ZFR2: variants seen among roughly 807,000 people sequenced by gnomAD.
ZFR2 encodes zinc finger RNA-binding protein 2.
A neutral mutation model predicts 105.7 loss-of-function variants in ZFR2; 104 were observed. The ratio of observed to expected loss-of-function variants is 0.98; its 90% confidence interval spans 0.84 to 1.16. The LOEUF is 1.16. Among genes scored for constraint, ZFR2 ranks in the 50% most tolerant of loss-of-function variants. The pLI is 0.00. For missense variants in ZFR2, 1,425 were observed against 1,355.5 expected, an observed-to-expected ratio of 1.05 and a Z score of -0.80; for synonymous variants, 634 against 597.7, an observed-to-expected ratio of 1.06 and a Z score of -0.89.
At position 3,816,735 on chromosome 19, in the gene ZFR2, G is replaced by C. The variant is rs374561898; in HGVS notation, c.2042C>G (p.Ser681Cys). Residue 681 changes from serine (S) to cysteine (C), a missense_variant, in exon 13 of 19, where the codon TCC becomes TGC. By Grantham distance (112) the Ser-to-Cys change is moderately radical. Transcript: ENST00000262961. ...CAGCAGGCTGTGCGTGGGCTTCTCG[G>C]AGCAGAGCAGAGCGAGGCGCACGTT... The part of the protein sequence containing the change: ...DRNVRLALLC[S>C]EKPTHSLLRR... 1 of 1,612,618 alleles carries C rather than the reference G, an allele frequency of 6.2e-7. No homozygotes were observed. Among genetic ancestry groups the C allele is most frequent in the East Asian group, 2.2e-5 (1 of 44,876 alleles).
In ZFR2 at chr19:3,805,751, C is replaced by A; in HGVS notation, c.*198G>T. On this transcript the variant is annotated 3_prime_UTR_variant, in exon 19 of 19. Transcript: ENST00000262961. ...GAACTCTCAGGCTCAAGCAACTCAGCCTCCCAAAGTGCTGGGATTAAAGGC... is the reference window on the plus strand; with the variant it reads ...GAACTCTCAGGCTCAAGCAACTCAGACTCCCAAAGTGCTGGGATTAAAGGC... 2 of 572,778 alleles carry A rather than the reference C, an allele frequency of 3.5e-6. No homozygotes were observed. The allele number at this position is 572,778 out of a possible 1,614,324, so 35.5% of individuals were successfully genotyped here. A position where few individuals can be genotyped will look rare whatever the true frequency, so the allele number is the denominator to read the frequency against.
At position 3,813,795 on chromosome 19, in the gene ZFR2, G is replaced by A. The variant is rs753315711; in HGVS notation, c.2242+25C>T. On this transcript the variant is annotated intron_variant, in intron 14 of 18. Coordinates refer to ENST00000262961, the MANE Select transcript of ZFR2 (RefSeq NM_015174.2). This position sits in a 1 kb window ranked among gnomAD's most constrained non-coding sequence, Gnocchi z 4.4. ...CTGGGGAAGCGTGAGGGGGACAGTG[G>A]TTGGAAGGAAGGGCTGGGCCGCACC... The A allele has an allele frequency of 6.2e-7, 1 of 1,612,558 alleles. No individual in the cohort carries two copies. Among genetic ancestry groups the A allele is most frequent in the Non-Finnish European group, 8.5e-7 (1 of 1,179,258 alleles).
At chr19:3,821,955 A>C in intron 9 of ZFR2, 126 bp downstream of exon 9, 1 of 1,386,798 alleles carries the variant, frequency 7.2e-7, no homozygotes, top group Non-Finnish European at 9.5e-7. Context: ...AAACCCAGAA[A>C]ATCACCCCTC....
At chr19:3,808,796 C>T in intron 17 of ZFR2, 76 bp downstream of exon 17, 1 of 1,247,058 alleles carries the variant, frequency 8.0e-7, no homozygotes, top group Admixed American at 2.5e-5. Flanking sequence ...GACCCCAGCT[C>T]TCTGTGCCAT....
At position 3,808,964 on chromosome 19, in the gene ZFR2, T is replaced by C; in HGVS notation, c.2453A>G (p.Glu818Gly). 6.4e-7 allele frequency: 1 copy of C among 1,564,734 alleles called. No homozygotes were observed. Among genetic ancestry groups the C allele is most frequent in the African/African-American group, 1.4e-5 (1 of 73,948 alleles). ...LPAWAMELLV[E>G]KAVSSAAGPL... ...CCCAGCCGCACTGCTCACAGCCTTCTCCACCAGCAGCTCCATGGCCTGGTG... is the reference window on the plus strand; with the variant it reads ...CCCAGCCGCACTGCTCACAGCCTTCCCCACCAGCAGCTCCATGGCCTGGTG... The change falls in exon 17 of 19, where the codon GAG becomes GGG. Residue 818 changes from glutamate (E) to glycine (G), a missense_variant. By Grantham distance (98) the Glu-to-Gly change is moderately conservative. Transcript: ENST00000262961.
Position 3,825,314 on chromosome 19 carries a change from T to A in ZFR2, c.1129A>T (p.Thr377Ser). 1 of 1,582,618 alleles carries A rather than the reference T, an allele frequency of 6.3e-7. No individual in the cohort carries two copies. Among genetic ancestry groups the A allele is most frequent in the Non-Finnish European group, 8.5e-7 (1 of 1,169,668 alleles). The change falls in exon 7 of 19, where the codon ACG becomes TCG. Residue 377 changes from threonine to serine, a missense_variant. Physicochemically the swap from Thr to Ser is moderately conservative, Grantham distance 58. Coordinates refer to ENST00000262961, the MANE Select transcript of ZFR2 (RefSeq NM_015174.2). ...ESPPGAEAKPTSPTGPSVCAS... is the reference protein window; with the variant it reads ...ESPPGAEAKPSSPTGPSVCAS... Reference sequence around the variant, plus strand: ...CACACGCTGGGGCCAGTGGGGGACGTGGGCTTGGCCTCTGCCCCGGGGGGG... The same window carrying A: ...CACACGCTGGGGCCAGTGGGGGACGAGGGCTTGGCCTCTGCCCCGGGGGGG...
intron 1 of ZFR2, chr19:3,855,383 T>C (rs1472464611): frequency 4.1e-6 from 5 of 1,231,546 alleles, no homozygotes; most frequent in Non-Finnish European, 5.1e-6. Context: ...CTATGAGAAA[T>C]TCTGTGTGTA....
intron 1 of ZFR2, among the ~76,000 whole-genome samples, chr19:3,849,961 C>T (rs1336275859): frequency 6.6e-6 from 1 of 152,126 alleles, no homozygotes; most frequent in Non-Finnish European, 1.5e-5. Context: ...CTGTGAACGT[C>T]ACAGCTGTGA....
chr19:3,825,174 T>C, intron 7 of ZFR2, 56 bp downstream of exon 7: 12 of 1,402,568 alleles, frequency 8.6e-6, no homozygotes, highest in Non-Finnish European at 1.1e-5. Flanking sequence ...CACGAAACTT[T>C]CACTAGGCGG....
Position 3,815,007 on chromosome 19 carries a change from A to G in ZFR2, c.2104-1049T>C, listed in dbSNP as rs552486248. Among the ~76,000 whole-genome samples the G allele has an allele frequency of 2.8e-4, 42 of 152,036 alleles. 1 individual carries two copies. In the East Asian group the frequency reaches 8.0e-3, roughly 29 times the overall value. ...CATCCAGTGCCCACTGGAAAAGTCA[A>G]AGGAGTAAGGCTGAGTTTTCCCAGG... On this transcript the variant is annotated intron_variant, in intron 13 of 18. Transcript: ENST00000262961.
chr19:3,843,258 G>A (rs981015521), intron 1 of ZFR2, among the ~76,000 whole-genome samples: 9 of 151,430 alleles, frequency 5.9e-5, no homozygotes, highest in African/African-American at 1.9e-4. Context: ...ATCACTTGAG[G>A]TCAGGAGGTC....
At chr19:3,830,958 C>G (rs934322467) in intron 5 of ZFR2, among the ~76,000 whole-genome samples, 1 of 148,842 alleles carries the variant, frequency 6.7e-6, no homozygotes, top group African/African-American at 2.4e-5. Context: ...CACACATACA[C>G]ACACGCACAC....
intron 5 of ZFR2, among the ~76,000 whole-genome samples, chr19:3,828,646 C>G (rs1244328922): frequency 6.6e-6 from 1 of 152,154 alleles, no homozygotes; most frequent in African/African-American, 2.4e-5. Context: ...CTGATTGCGT[C>G]TGGGGAAGCG....
rs1568420812 is a variant in ZFR2, at chr19:3,820,911, ACACAGGGACACCGGGGGTC to A, written c.1631+410_1631+428del. On this transcript the variant is annotated intron_variant, in intron 10 of 18. Transcript: ENST00000262961. ...ACACAGGGACACTAGAGGTCGGGGG[ACACAGGGACACCGGGGGTC>A]GGGGGACACAGGGACACTAGAGGTC... Among the ~76,000 whole-genome samples, 72 of 92,082 alleles carry A rather than the reference ACACAGGGACACCGGGGGTC, an allele frequency of 7.8e-4. 10 individuals are homozygous for A. Among genetic ancestry groups the A allele is most frequent in the African/African-American group, 3.0e-3 (68 of 22,544 alleles). 60.4% of individuals were successfully genotyped at this position (92,082 alleles called of 152,430 possible).
chr19:3,855,953 C>CG (rs2145187852), intron 1 of ZFR2, among the ~76,000 whole-genome samples: 2 of 152,232 alleles, frequency 1.3e-5, no homozygotes, highest in South Asian at 4.1e-4. Context: ...TGAGACCCCA[C>CG]GGGGGTTTCC....
chr19:3,825,445 C>T (rs1255004784), intron 6 of ZFR2, 38 bp from the exon 7 acceptor site: 1 of 1,528,612 alleles, frequency 6.5e-7, no homozygotes, highest in Non-Finnish European at 8.8e-7. Flanking sequence ...GTGAGGGCCG[C>T]TCCCAGCCTG....
chr19:3,817,597 AATAATAATAATT>A lies in ZFR2; in HGVS notation c.1932-764_1932-753del, dbSNP rs1453512986. ...TAATAATAATAATAATAATAATAATAATAATAATAATTAGCTGGGTGTGGTGGTACATTCCTG... is the reference window on the plus strand; with the variant it reads ...TAATAATAATAATAATAATAATAATAAGCTGGGTGTGGTGGTACATTCCTG... On this transcript the variant is annotated intron_variant, in intron 12 of 18. Transcript: ENST00000262961. Among the ~76,000 whole-genome samples the A allele has an allele frequency of 2.3e-3, 324 of 142,126 alleles. 5 individuals are homozygous for A. Among genetic ancestry groups the A allele is most frequent in the African/African-American group, 7.3e-3 (287 of 39,102 alleles). The allele number at this position is 142,126 out of a possible 152,430, so 93.2% of individuals were successfully genotyped here.
At chr19:3,850,821 A>AT (rs1436602521) in intron 1 of ZFR2, among the ~76,000 whole-genome samples, 1 of 146,718 alleles carries the variant, frequency 6.8e-6, no homozygotes, top group Non-Finnish European at 1.5e-5. Flanking sequence ...GGGAGGCTCG[A>AT]TTAAGCTCAG....
chr19:3,863,494 C>G (rs960532813), intron 1 of ZFR2, among the ~76,000 whole-genome samples: 1 of 152,154 alleles, frequency 6.6e-6, no homozygotes, highest in South Asian at 2.1e-4. Context: ...GTGGTGCGAT[C>G]ATAGCTCAAT....
Sources: allele counts gnomAD v4.1 joint callset (sites outside exome capture counted in the v4.1 genomes callset), GRCh38; gene constraint gnomAD v4.1.1; non-coding constraint Gnocchi (gnomAD v3.1); transcripts MANE v1.5; gene names NCBI Gene and HGNC (gene_info 2026-07-23, HGNC 2026-07-21).